The following FGGY variants were observed in gnomAD, a reference collection of about 807,000 sequenced individuals.
The protein encoded by FGGY is FGGY carbohydrate kinase domain containing.
A neutral mutation model predicts 71.3 loss-of-function variants in FGGY; 72 were observed. The ratio of observed to expected loss-of-function variants is 1.01; its 90% CI spans 0.84 to 1.23. The LOEUF is 1.23. Among genes scored for constraint, FGGY ranks in the 50% most tolerant of loss-of-function variants. The pLI is 0.00. For synonymous variants in FGGY, 251 were observed against 250.3 expected (o/e 1.00, Z -0.02); for missense variants, 668 against 682.3 (o/e 0.98, Z 0.23).
chr1:59,757,657 C>G (rs2098304457), intron 14 of FGGY, among the ~76,000 whole-genome samples: 1 of 152,158 alleles, frequency 6.6e-6, no homozygotes, highest in Non-Finnish European at 1.5e-5. Flanking sequence ...ACTGCTTTGC[C>G]TTTTGGGTTG....
chr1:59,732,479 A>G (rs1178494232), intron 14 of FGGY, among the ~76,000 whole-genome samples: 1 of 152,328 alleles, frequency 6.6e-6, no homozygotes, highest in Middle Eastern at 3.4e-3. Context: ...GCAGGCACAG[A>G]AAAGGATGAT....
At chr1:59,384,966 C>T (rs892098099) in intron 5 of FGGY, among the ~76,000 whole-genome samples, 7 of 152,232 alleles carry the variant, frequency 4.6e-5, no homozygotes, top group Admixed American at 3.9e-4. Flanking sequence ...TTATTTGGCT[C>T]TTACATGTGA....
At chr1:59,325,159 C>T (rs1012843094) in intron 2 of FGGY, among the ~76,000 whole-genome samples, 3 of 151,876 alleles carry the variant, frequency 2.0e-5, no homozygotes, top group African/African-American at 7.2e-5. Flanking sequence ...TGAGACCATC[C>T]TGGTTAACAT....
intron 1 of FGGY, among the ~76,000 whole-genome samples, chr1:59,308,812 A>G (rs903887869): frequency 6.6e-6 from 1 of 151,362 alleles, no homozygotes; most frequent in Non-Finnish European, 1.5e-5. Flanking sequence ...ATTCTTTATT[A>G]AAAAATAATA....
At chr1:59,678,035 T>A (rs1424279712) in intron 14 of FGGY, among the ~76,000 whole-genome samples, 3 of 152,190 alleles carry the variant, frequency 2.0e-5, no homozygotes, top group Non-Finnish European at 4.4e-5. Flanking sequence ...TTAGAAAGGG[T>A]GTTTTCCTTT....
chr1:59,378,155 T>C (rs2153327206), intron 4 of FGGY, among the ~76,000 whole-genome samples: 1 of 152,282 alleles, frequency 6.6e-6, no homozygotes, highest in South Asian at 2.1e-4. Context: ...GACTGTGCTT[T>C]TGATATGGTT....
intron 5 of FGGY, among the ~76,000 whole-genome samples, chr1:59,423,812 T>G (rs2065864207): frequency 6.6e-6 from 1 of 152,316 alleles, no homozygotes; most frequent in South Asian, 2.1e-4. Context: ...AGCTGGAGTT[T>G]CGTTCCTTCT....
chr1:59,323,669 T>G (rs542601416), intron 2 of FGGY, among the ~76,000 whole-genome samples: 1 of 152,370 alleles, frequency 6.6e-6, no homozygotes, highest in South Asian at 2.1e-4. Context: ...GTTGTGATCT[T>G]GGACAAGTTA....
At chr1:59,448,466 A>G (rs1557957886) in intron 5 of FGGY, among the ~76,000 whole-genome samples, 1 of 152,166 alleles carries the variant, frequency 6.6e-6, no homozygotes, top group Non-Finnish European at 1.5e-5. Context: ...TTAATGGTCT[A>G]TGCAAGGAAC....
intron 7 of FGGY, among the ~76,000 whole-genome samples, chr1:59,545,187 A>G (rs1239036775): frequency 1.3e-5 from 2 of 152,232 alleles, no homozygotes; most frequent in African/African-American, 2.4e-5. Context: ...TTAGATTTCT[A>G]GCACCCAGCA....
chr1:59,480,092 A>G (rs2093415426), intron 6 of FGGY, among the ~76,000 whole-genome samples: 1 of 152,066 alleles, frequency 6.6e-6, no homozygotes, highest in Non-Finnish European at 1.5e-5. Flanking sequence ...GGCTTATAAC[A>G]CTTGTCATTG....
intron 6 of FGGY, among the ~76,000 whole-genome samples, chr1:59,462,778 G>C (rs544679338): frequency 5.7e-4 from 87 of 152,254 alleles, no homozygotes; most frequent in Non-Finnish European, 1.1e-3. Flanking sequence ...ACACCAGTTA[G>C]AATGGCAGTC....
chr1:59,723,934 A>T (rs1558912793), intron 14 of FGGY, among the ~76,000 whole-genome samples: 2 of 152,168 alleles, frequency 1.3e-5, no homozygotes, highest in Non-Finnish European at 2.9e-5. Context: ...AGGCCTAGGC[A>T]GGCAGATCAC....
intron 1 of FGGY, among the ~76,000 whole-genome samples, chr1:59,317,567 C>A (rs2045673782): frequency 6.6e-6 from 1 of 152,212 alleles, no homozygotes; most frequent in South Asian, 2.1e-4. Context: ...TAGGACGCAG[C>A]AGATCATATT....
rs2095431619 is a variant in FGGY at position 59,541,013 on chromosome 1, A to G, written c.800-13111A>G. On this transcript the variant is annotated intron_variant, in intron 7 of 15. Transcript: ENST00000303721. ...TATGAATCCTCTTTTTTAGTGCACA[A>G]TCCATGTTAGTGATAGTGGTGGCAA... 2.6e-5 allele frequency among the ~76,000 whole-genome samples: 4 copies of G among 152,178 alleles called. No individual in the cohort carries two copies. In the South Asian group the frequency reaches 6.2e-4, roughly 24 times the overall value.
rs992618307 is a variant in FGGY, at chr1:59,481,819, G to A, written c.670+24743G>A. ...TGGTAAGACAGAGACTTTCTAAGGGGTACACTGCCCCACTTTATCTTACCC... is the reference window on the plus strand; with the variant it reads ...TGGTAAGACAGAGACTTTCTAAGGGATACACTGCCCCACTTTATCTTACCC... On this transcript the variant is annotated intron_variant, in intron 6 of 15. Transcript: ENST00000303721. 3.3e-5 allele frequency among the ~76,000 whole-genome samples: 5 copies of A among 152,114 alleles called. No homozygotes were observed. In the South Asian group the frequency reaches 8.3e-4, roughly 25 times the overall value.
chr1:59,582,116 G>A (rs1284332244), intron 8 of FGGY, among the ~76,000 whole-genome samples: 2 of 149,436 alleles, frequency 1.3e-5, no homozygotes, highest in Non-Finnish European at 2.9e-5. Flanking sequence ...TGTGGTGGTG[G>A]TGGGTACCTG....
At chr1:59,741,364 T>G (rs546029246) in intron 14 of FGGY, among the ~76,000 whole-genome samples, 2 of 152,276 alleles carry the variant, frequency 1.3e-5, no homozygotes, top group South Asian at 4.1e-4. Flanking sequence ...TTTAAAGGTG[T>G]GTAGTACCTC....
chr1:59,648,406 A>C (rs1204581558), intron 11 of FGGY, among the ~76,000 whole-genome samples: 1,844 of 131,858 alleles, frequency 0.014, 37 homozygotes, highest in African/African-American at 0.06. Context: ...CCTCTCCAGC[A>C]CCTGTTGTTT....
Sources: gnomAD v4.1 joint callset for allele counts (sites outside exome capture counted in the v4.1 genomes callset) on GRCh38, gnomAD v4.1.1 for gene constraint, MANE v1.5 for transcripts, NCBI Gene and HGNC (gene_info 2026-07-23, HGNC 2026-07-21) for gene names.